The following MTHFD2L variants were observed in gnomAD, a reference collection of about 807,000 sequenced individuals.
MTHFD2L encodes the protein bifunctional methylenetetrahydrofolate dehydrogenase/cyclohydrolase 2, mitochondrial.
In MTHFD2L, 29 loss-of-function variants were observed where a neutral mutation model predicts 34.9. The ratio of observed to expected loss-of-function variants is 0.83; its 90% CI spans 0.62 to 1.13. MTHFD2L has a LOEUF of 1.13. Among genes scored for constraint, MTHFD2L ranks in the 50% most tolerant of loss-of-function variants. The pLI, the probability that MTHFD2L is intolerant of heterozygous loss-of-function variation, is 0.00. For synonymous variants in MTHFD2L, 167 were observed against 155.7 expected (o/e 1.07, Z -0.54); for missense variants, 481 against 446.5 (o/e 1.08, Z -0.70).
intron 7 of MTHFD2L, among the ~76,000 whole-genome samples, 173 bp downstream of exon 7, chr4:74,281,723 C>T (rs187529328): frequency 6.6e-6 from 1 of 152,216 alleles, no homozygotes; most frequent in East Asian, 1.9e-4. Flanking sequence ...CTCCCTTCCT[C>T]TCTCTTTCCC....
upstream of MTHFD2L, among the ~76,000 whole-genome samples, chr4:74,155,895 C>A (rs1724209572): frequency 9.0e-6 from 1 of 111,514 alleles, no homozygotes; most frequent in African/African-American, 3.4e-5. Flanking sequence ...CTGAAAAAGC[C>A]ATTCCATGTG....
At chr4:74,265,260 A>C (rs1745145340) in intron 6 of MTHFD2L, among the ~76,000 whole-genome samples, 1 of 152,174 alleles carries the variant, frequency 6.6e-6, no homozygotes, top group South Asian at 2.1e-4. Flanking sequence ...TGTGTCTGCA[A>C]GTCTGCCAGG....
chr4:74,230,944 A>T, intron 6 of MTHFD2L, among the ~76,000 whole-genome samples: 1 of 152,104 alleles, frequency 6.6e-6, no homozygotes, highest in Non-Finnish European at 1.5e-5. Flanking sequence ...AAACTCTGAA[A>T]CTATATTCAG....
intron 5 of MTHFD2L, among the ~76,000 whole-genome samples, chr4:74,207,101 T>C (rs895131493): frequency 6.6e-6 from 1 of 151,966 alleles, no homozygotes; most frequent in African/African-American, 2.4e-5. Context: ...GGTCTCCTTA[T>C]GTTGCCCAGG....
chr4:74,122,427 T>C (rs1318286010), upstream of MTHFD2L, among the ~76,000 whole-genome samples: 1 of 152,168 alleles, frequency 6.6e-6, no homozygotes, highest in Non-Finnish European at 1.5e-5. Context: ...TTCACTGTCA[T>C]GAGAAGAGCA....
At chr4:74,278,954 AAT>A (rs747398665) in intron 6 of MTHFD2L, among the ~76,000 whole-genome samples, 4 of 152,222 alleles carry the variant, frequency 2.6e-5, no homozygotes, top group Admixed American at 1.3e-4. Flanking sequence ...ACAGTTTTCT[AAT>A]ATGTTATTTA....
chr4:74,126,809 T>G (rs1722110534), intron 1 of MTHFD2L, among the ~76,000 whole-genome samples: 1 of 152,138 alleles, frequency 6.6e-6, no homozygotes, highest in African/African-American at 2.4e-5. Flanking sequence ...GATGTACATA[T>G]TTTGGGGATA....
At chr4:74,145,164 G>T (rs1206098198) in intron 1 of MTHFD2L, among the ~76,000 whole-genome samples, 1 of 137,498 alleles carries the variant, frequency 7.3e-6, no homozygotes. Flanking sequence ...TTCCATATTT[G>T]AAAAAAAAAA....
At chr4:74,185,631 G>A (rs1330855493) in intron 3 of MTHFD2L, among the ~76,000 whole-genome samples, 1 of 152,164 alleles carries the variant, frequency 6.6e-6, no homozygotes, top group Non-Finnish European at 1.5e-5. Flanking sequence ...TAAAAGGGCA[G>A]TAAGGGAATA....
At chr4:74,224,140 C>G (rs1738726986) in intron 5 of MTHFD2L, 1 of 152,002 alleles carries the variant, frequency 6.6e-6, no homozygotes, top group South Asian at 2.1e-4. Flanking sequence ...CTAAAATAGC[C>G]CCTCTATGTA....
intron 6 of MTHFD2L, among the ~76,000 whole-genome samples, chr4:74,274,012 A>AT (rs545489038): frequency 0.31 from 47,185 of 150,220 alleles, 8,944 homozygotes; most frequent in African/African-American, 0.55. Flanking sequence ...GAACAGTTTG[A>AT]TTTTTTTTTT....
At chr4:74,280,718 T>C (rs182539728) in intron 6 of MTHFD2L, among the ~76,000 whole-genome samples, 4 of 152,038 alleles carry the variant, frequency 2.6e-5, no homozygotes, top group African/African-American at 9.6e-5. Context: ...TTGCAGGAAA[T>C]AGATGGTTGC....
chr4:74,175,385 G>C lies in MTHFD2L; in HGVS notation c.433G>C (p.Val145Leu). 6.2e-7 allele frequency: 1 copy of C among 1,611,352 alleles called. No individual in the cohort carries two copies. Among genetic ancestry groups the C allele is most frequent in the Non-Finnish European group, 8.5e-7 (1 of 1,178,734 alleles). The change falls in exon 3 of 8, where the codon GTT becomes CTT. Residue 145 changes from valine to leucine, a missense_variant. Coordinates refer to ENST00000325278, the MANE Select transcript of MTHFD2L (RefSeq NM_001144978.3). Reference sequence around the variant, plus strand: ...GGACCCAAGAGTCAGCGGTATATTAGTTCAGTTACCACTACCAGGTACATA... The same window carrying C: ...GGACCCAAGAGTCAGCGGTATATTACTTCAGTTACCACTACCAGGTACATA... ...NMDPRVSGIL[V>L]QLPLPDHVDE...
intron 5 of MTHFD2L, among the ~76,000 whole-genome samples, chr4:74,204,330 A>G (rs988473607): frequency 1.3e-5 from 2 of 152,236 alleles, no homozygotes; most frequent in African/African-American, 4.8e-5. Context: ...TGTGCCTAAC[A>G]TATAGTAAGT....
intron 1 of MTHFD2L, among the ~76,000 whole-genome samples, chr4:74,138,086 T>G (rs1560407946): frequency 6.6e-6 from 1 of 151,906 alleles, no homozygotes; most frequent in Non-Finnish European, 1.5e-5. Context: ...TACACTTTTT[T>G]ATTTTAAGAA....
At position 74,165,651 on chromosome 4, in the gene MTHFD2L, C is replaced by T. The variant is rs1425807534; in HGVS notation, c.143+7370C>T. On this transcript the variant is annotated intron_variant, in intron 1 of 7. Transcript: ENST00000325278. ...AATTACAGGCGTGAGCCACTAGGCC[C>T]GGCCCTTGTGCTTAATTTTAAAATT... 3.3e-5 allele frequency among the ~76,000 whole-genome samples: 5 copies of T among 152,302 alleles called. No individual in the cohort carries two copies. The South Asian group carries it at 1.0e-3, about 32-fold the overall frequency.
intron 5 of MTHFD2L, among the ~76,000 whole-genome samples, chr4:74,210,840 G>C (rs1736190676): frequency 6.6e-6 from 1 of 152,036 alleles, no homozygotes; most frequent in Non-Finnish European, 1.5e-5. Context: ...TTTTCCATTT[G>C]TTTGTGTCCT....
chr4:74,143,820 G>C (rs1723424763), intron 1 of MTHFD2L, among the ~76,000 whole-genome samples: 1 of 152,076 alleles, frequency 6.6e-6, no homozygotes, highest in Admixed American at 6.5e-5. Flanking sequence ...CTTATGAGAA[G>C]AAAGAGAAAA....
intron 6 of MTHFD2L, among the ~76,000 whole-genome samples, chr4:74,245,059 G>A (rs773282281): frequency 6.6e-5 from 10 of 151,846 alleles, no homozygotes; most frequent in Non-Finnish European, 1.2e-4. Flanking sequence ...GCGAGGCGTC[G>A]TGGCAGGCGC....
Sources: gnomAD v4.1 joint callset for allele counts (sites outside exome capture counted in the v4.1 genomes callset) on GRCh38, gnomAD v4.1.1 for gene constraint, MANE v1.5 for transcripts, NCBI Gene and HGNC (gene_info 2026-07-23, HGNC 2026-07-21) for gene names.